Variants in LNP1 observed in about 807,000 individuals in gnomAD.
The protein encoded by LNP1 is leukemia NUP98 fusion partner 1.
In LNP1, 12 loss-of-function variants were observed where a neutral mutation model predicts 14.5. The observed-to-expected ratio is 0.83, with a 90% CI of 0.53 to 1.34. LNP1 has a LOEUF of 1.34. Among genes scored for constraint, LNP1 ranks in the 40% most tolerant of loss-of-function variants. LNP1 has a pLI of 0.00. For synonymous variants in LNP1, 75 were observed against 71.4 expected (o/e 1.05, Z -0.26); for missense variants, 198 against 210.9 (o/e 0.94, Z 0.38).
intron 2 of LNP1, among the ~76,000 whole-genome samples, chr3:100,435,998 C>G (rs1012275547): frequency 6.6e-6 from 1 of 152,148 alleles, no homozygotes. Context: ...CTTGTCCAAT[C>G]AAAACTGTAG....
chr3:100,409,121 A>G (rs1276999457), intron 1 of LNP1, among the ~76,000 whole-genome samples: 2 of 152,146 alleles, frequency 1.3e-5, no homozygotes, highest in Admixed American at 1.3e-4. Flanking sequence ...TCATTCAATC[A>G]GATGAGGGCC....
At chr3:100,426,581 G>A (rs186407495) in intron 1 of LNP1, among the ~76,000 whole-genome samples, 60 of 152,324 alleles carry the variant, frequency 3.9e-4, no homozygotes, top group Admixed American at 1.8e-3. Context: ...CTAAGGGTCA[G>A]ACAGACACCT....
chr3:100,416,718 ATT>A (rs3082702), intron 1 of LNP1, among the ~76,000 whole-genome samples: 15,356 of 110,352 alleles, frequency 0.14, 1,452 homozygotes, highest in African/African-American at 0.26. Context: ...TTTTGTTTTG[ATT>A]TTTTTTTTTT....
chr3:100,415,430 A>G (rs1707073385), intron 1 of LNP1, among the ~76,000 whole-genome samples: 1 of 152,216 alleles, frequency 6.6e-6, no homozygotes, highest in African/African-American at 2.4e-5. Context: ...TAAAACAACA[A>G]TGAAATTTCA....
intron 1 of LNP1, among the ~76,000 whole-genome samples, chr3:100,423,336 G>A (rs977276255): frequency 1.3e-5 from 2 of 152,186 alleles, no homozygotes; most frequent in East Asian, 3.9e-4. Flanking sequence ...CTGCAACAAC[G>A]GCATGGCACT....
chr3:100,454,985 G>T (rs890990834), intron 3 of LNP1, among the ~76,000 whole-genome samples: 1 of 152,086 alleles, frequency 6.6e-6, no homozygotes, highest in East Asian at 1.9e-4. Flanking sequence ...AAATAGATAC[G>T]GTGGCCACAT....
At chr3:100,435,677 G>A (rs72943206) in intron 2 of LNP1, among the ~76,000 whole-genome samples, 5,703 of 152,106 alleles carry the variant, frequency 0.037, 348 homozygotes, top group African/African-American at 0.13. Flanking sequence ...TAGGGGGTAG[G>A]AGCTTTATGC....
chr3:100,439,803 T>TG lies in LNP1; in HGVS notation c.156+9919dup, dbSNP rs372864410. ...TATCCACAGCACCTACTACCATGAC[T>TG]GACCTATTTAGTAAATGGACTAATA... On this transcript the variant is annotated intron_variant, in intron 2 of 3. Transcript: ENST00000383693. Among the ~76,000 whole-genome samples the TG allele has an allele frequency of 4.2e-3, 645 of 152,288 alleles. 3 individuals carry two copies. Among genetic ancestry groups the TG allele is most frequent in the African/African-American group, 0.015 (615 of 41,576 alleles).
chr3:100,411,405 T>A (rs1707031109), intron 1 of LNP1, among the ~76,000 whole-genome samples: 1 of 152,244 alleles, frequency 6.6e-6, no homozygotes, highest in South Asian at 2.1e-4. Context: ...TTGTAATGAG[T>A]TAAGACTTTT....
At position 100,431,828 on chromosome 3, in the gene LNP1, C is replaced by CAAACA. The variant is rs1707243905; in HGVS notation, c.156+1946_156+1947insCAAAA. 7.7e-5 allele frequency among the ~76,000 whole-genome samples: 5 copies of CAAACA among 65,310 alleles called. No homozygotes were observed. In the South Asian group the frequency reaches 2.5e-3, roughly 32 times the overall value. The allele number at this position is 65,310 out of a possible 152,430, so 42.8% of individuals were successfully genotyped here. On this transcript the variant is annotated intron_variant, in intron 2 of 3. Coordinates refer to ENST00000383693, the MANE Select transcript of LNP1 (RefSeq NM_001085451.2). Reference sequence around the variant, plus strand: ...GGCAACATAGTGAGACTCCGTCTCTCAAAAAAAAAAAAAAAAAAAATAGCA... The same window carrying CAAACA: ...GGCAACATAGTGAGACTCCGTCTCTCAAACAAAAAAAAAAAAAAAAAAAAATAGCA...
intron 1 of LNP1, among the ~76,000 whole-genome samples, chr3:100,411,054 G>T (rs952305362): frequency 1.3e-5 from 2 of 152,288 alleles, no homozygotes; most frequent in East Asian, 3.9e-4. Context: ...CTGTAGAGCT[G>T]TGAGAATGAT....
Position 100,413,847 on chromosome 3 carries a change from A to G in LNP1, c.-34+11408A>G, listed in dbSNP as rs142129615. On this transcript the variant is annotated intron_variant, in intron 1 of 3. Coordinates refer to ENST00000383693, the MANE Select transcript of LNP1 (RefSeq NM_001085451.2). ...AGTAGAGTATTCACTCATAAAAGGC[A>G]TTCAAACTAGCAGCCATGGTTATGC... 3.9e-4 allele frequency among the ~76,000 whole-genome samples: 59 copies of G among 152,342 alleles called. 1 individual carries two copies. The highest frequency in any genetic ancestry group is 1.2e-3 in the African/African-American group (51 of 41,582).
intron 1 of LNP1, among the ~76,000 whole-genome samples, chr3:100,426,082 C>G (rs913257267): frequency 1.3e-5 from 2 of 152,244 alleles, no homozygotes; most frequent in Non-Finnish European, 2.9e-5. Flanking sequence ...GTGATGTGCT[C>G]TCCCCTAGCT....
intron 1 of LNP1, among the ~76,000 whole-genome samples, chr3:100,417,823 T>G (rs1707101165): frequency 6.6e-6 from 1 of 152,158 alleles, no homozygotes; most frequent in African/African-American, 2.4e-5. Flanking sequence ...CCTTTGCATA[T>G]CTTTATAATT....
chr3:100,430,397 C>T (rs1707231491), intron 2 of LNP1, among the ~76,000 whole-genome samples: 1 of 152,206 alleles, frequency 6.6e-6, no homozygotes, highest in Non-Finnish European at 1.5e-5. Context: ...GGAGCTAAAA[C>T]TCTCCTGCCC....
At position 100,456,052 on chromosome 3, in the gene LNP1, G is replaced by T; in HGVS notation, c.*126G>T. 4 of 978,664 alleles carry T rather than the reference G, an allele frequency of 4.1e-6. No homozygotes were observed. Among genetic ancestry groups the T allele is most frequent in the Non-Finnish European group, 6.1e-6 (4 of 652,674 alleles). 60.6% of individuals were successfully genotyped at this position (978,664 alleles called of 1,614,324 possible). On this transcript the variant is annotated 3_prime_UTR_variant, in exon 4 of 4. Transcript: ENST00000383693. ...GTAAAAACAGCTATAAAAAGCAACT[G>T]CAGATGCTGACTGACTGCAGTGGGC...
intron 2 of LNP1, among the ~76,000 whole-genome samples, chr3:100,446,781 G>C (rs538038435): frequency 6.2e-4 from 95 of 152,258 alleles, no homozygotes; most frequent in African/African-American, 2.0e-3. Flanking sequence ...CCATCAAAAA[G>C]TGGGCAAAGG....
intron 1 of LNP1, among the ~76,000 whole-genome samples, chr3:100,405,379 A>G (rs1418729338): frequency 6.6e-6 from 1 of 152,190 alleles, no homozygotes; most frequent in African/African-American, 2.4e-5. Flanking sequence ...ACAGATACTC[A>G]ATAAATAGTT....
intron 1 of LNP1, among the ~76,000 whole-genome samples, chr3:100,415,009 G>A (rs529450418): frequency 4.2e-4 from 64 of 152,262 alleles, no homozygotes; most frequent in African/African-American, 1.4e-3. Context: ...TAATTCTACC[G>A]CATACCATAC....
Sources: gnomAD v4.1 joint callset for allele counts (sites outside exome capture counted in the v4.1 genomes callset) on GRCh38, gnomAD v4.1.1 for gene constraint, MANE v1.5 for transcripts, NCBI Gene and HGNC (gene_info 2026-07-23, HGNC 2026-07-21) for gene names.